Variants in SETD3 observed in about 807,000 individuals in gnomAD.
SETD3 encodes the protein actin-histidine N-methyltransferase.
SETD3 carries 19 observed loss-of-function variants against 63.0 expected under a neutral mutation model. That is an observed-to-expected ratio of 0.30 (90% CI 0.21 to 0.44). The LOEUF (loss-of-function observed/expected upper bound fraction) is 0.44. Ranked by LOEUF, SETD3 falls within the 20% of genes least tolerant of loss-of-function variation. SETD3 has a pLI of 1.00. For missense variants in SETD3, 587 were observed against 728.5 expected (o/e 0.81, Z 2.24); for synonymous variants, 286 against 264.1 (o/e 1.08, Z -0.80).
chr14:99,441,992 G>A (rs11848138), intron 6 of SETD3, among the ~76,000 whole-genome samples: 2,791 of 152,276 alleles, frequency 0.018, 75 homozygotes, highest in African/African-American at 0.064. Flanking sequence ...AAAGCCCCCA[G>A]GCATTTTAAA....
intron 6 of SETD3, among the ~76,000 whole-genome samples, chr14:99,448,980 G>A (rs1230805623): frequency 5.9e-5 from 9 of 152,156 alleles, no homozygotes; most frequent in Non-Finnish European, 1.0e-4. Flanking sequence ...TATCAGTGAC[G>A]AGGAAATCAG....
chr14:99,411,306 A>AAACT (rs112481033), intron 8 of SETD3: 71,320 of 151,580 alleles, frequency 0.47, 17,010 homozygotes, highest in East Asian at 0.56. Flanking sequence ...ATTTTGAGAT[A>AAACT]AACCTCTTTT....
chr14:99,467,043 G>A (rs141105857), intron 1 of SETD3, among the ~76,000 whole-genome samples: 2 of 152,336 alleles, frequency 1.3e-5, no homozygotes, highest in African/African-American at 4.8e-5. Context: ...CCACTATACA[G>A]ATGATCATTG....
chr14:99,465,310 T>C (rs1232719893), intron 2 of SETD3, among the ~76,000 whole-genome samples: 1 of 152,212 alleles, frequency 6.6e-6, no homozygotes, highest in Non-Finnish European at 1.5e-5. Context: ...CCTTGGCTCA[T>C]TCCCTGAGAC....
chr14:99,411,163 A>T (rs1595155882), intron 8 of SETD3: 1 of 152,224 alleles, frequency 6.6e-6, no homozygotes, highest in Non-Finnish European at 1.5e-5. Flanking sequence ...GAACATAACC[A>T]CTGTAAGACA....
At chr14:99,483,440 C>T (rs1896405831), upstream of SETD3, among the ~76,000 whole-genome samples, 1 of 152,088 alleles carries the variant, frequency 6.6e-6, no homozygotes, top group Admixed American at 6.5e-5. Flanking sequence ...GTAGTAGCTA[C>T]TTGGGAGACT....
intron 6 of SETD3, among the ~76,000 whole-genome samples, chr14:99,437,197 T>C (rs1364471530): frequency 1.3e-5 from 2 of 152,214 alleles, no homozygotes; most frequent in Non-Finnish European, 2.9e-5. Context: ...TGTGTTAATG[T>C]GGATCTTGGC....
chr14:99,429,191 C>T (rs757380360), intron 6 of SETD3, among the ~76,000 whole-genome samples: 2 of 152,100 alleles, frequency 1.3e-5, no homozygotes, highest in Admixed American at 6.6e-5. Context: ...CTCCATGATC[C>T]AGGAACCCAG....
intron 6 of SETD3, among the ~76,000 whole-genome samples, chr14:99,438,227 G>A: frequency 6.6e-6 from 1 of 152,200 alleles, no homozygotes; most frequent in Non-Finnish European, 1.5e-5. Flanking sequence ...CCATGTGTGT[G>A]TCACTACGGT....
At chr14:99,446,892 T>C (rs1894159737) in intron 6 of SETD3, among the ~76,000 whole-genome samples, 1 of 149,108 alleles carries the variant, frequency 6.7e-6, no homozygotes, top group African/African-American at 2.5e-5. Flanking sequence ...AGGGGCACCC[T>C]CCCCCAGGCT....
At chr14:99,399,164 A>G in intron 12 of SETD3, 39 bp from the exon 13 acceptor site, 1 of 1,580,132 alleles carries the variant, frequency 6.3e-7, no homozygotes, top group Middle Eastern at 1.7e-4. Context: ...AGAAGTCTAA[A>G]CCAGCAAAAC....
chr14:99,411,355 C>G (rs1891978707), intron 8 of SETD3: 1 of 151,900 alleles, frequency 6.6e-6, no homozygotes, highest in Non-Finnish European at 1.5e-5. Context: ...ATTGTTTTAT[C>G]CCATTTACAT....
At chr14:99,451,332 C>G (rs1414465125) in intron 6 of SETD3, among the ~76,000 whole-genome samples, 1 of 152,190 alleles carries the variant, frequency 6.6e-6, no homozygotes. Flanking sequence ...TCCCTGGCCT[C>G]TGTTTCACAA....
At chr14:99,428,732 A>C (rs1419140980) in intron 6 of SETD3, among the ~76,000 whole-genome samples, 1 of 152,182 alleles carries the variant, frequency 6.6e-6, no homozygotes, top group African/African-American at 2.4e-5. Flanking sequence ...ATCTGATAAA[A>C]TCTATGGGCC....
chr14:99,433,786 A>G (rs1893316360), intron 6 of SETD3, among the ~76,000 whole-genome samples: 1 of 152,218 alleles, frequency 6.6e-6, no homozygotes, highest in Non-Finnish European at 1.5e-5. Context: ...TTCCCAAAAG[A>G]GGACATCTAA....
chr14:99,413,737 T>C (rs1472983533), intron 7 of SETD3, 139 bp downstream of exon 7: 2 of 764,148 alleles, frequency 2.6e-6, no homozygotes, highest in Admixed American at 5.0e-5. Context: ...CCTGATAACT[T>C]CTGAAAGATG....
upstream of SETD3, among the ~76,000 whole-genome samples, chr14:99,485,581 T>C (rs1896464396): frequency 6.6e-6 from 1 of 152,220 alleles, no homozygotes; most frequent in South Asian, 2.1e-4. Context: ...TTGTTTTTAC[T>C]GGCTGCAGAC....
At chr14:99,435,773 C>G in intron 6 of SETD3, among the ~76,000 whole-genome samples, 1 of 140,078 alleles carries the variant, frequency 7.1e-6, no homozygotes, top group South Asian at 2.4e-4. Context: ...AGTATGGAAA[C>G]TGAGGCTCAG....
upstream of SETD3, chr14:99,481,356 C>G (rs551399437): frequency 2.5e-6 from 1 of 398,606 alleles, no homozygotes; most frequent in African/African-American, 2.1e-5. Context: ...CTCTCTCCGC[C>G]CCTCCGGTCG....
Sources: allele counts gnomAD v4.1 joint callset (sites outside exome capture counted in the v4.1 genomes callset), GRCh38; gene constraint gnomAD v4.1.1; transcripts MANE v1.5; gene names NCBI Gene and HGNC (gene_info 2026-07-23, HGNC 2026-07-21).